The following WHRN variants were observed in gnomAD, a reference collection of about 807,000 sequenced individuals.
The protein encoded by WHRN is whirlin, also known as CASK-interacting protein CIP98.
In WHRN, 41 loss-of-function variants were observed where a neutral mutation model predicts 68.3. The observed-to-expected ratio is 0.60, with a 90% CI of 0.47 to 0.78. WHRN has a LOEUF of 0.78. WHRN is among the 30% of genes least tolerant of loss of function. The pLI, the probability that WHRN is intolerant of heterozygous loss-of-function variation, is 0.00. For missense variants in WHRN, 1,243 were observed against 1,244.7 expected (o/e 1.00, Z 0.02); for synonymous variants, 560 against 561.3 (o/e 1.00, Z 0.03).
chr9:114,457,643 C>A (rs747525234), intron 3 of WHRN, among the ~76,000 whole-genome samples: 3 of 152,034 alleles, frequency 2.0e-5, no homozygotes, highest in Non-Finnish European at 4.4e-5. Flanking sequence ...TGGCCAGGCG[C>A]GGGGGCTCAC....
At chr9:114,424,254 C>T (rs1307967458) in intron 6 of WHRN, 80 bp downstream of exon 6, 1 of 1,537,900 alleles carries the variant, frequency 6.5e-7, no homozygotes, top group Non-Finnish European at 9.0e-7. Context: ...CTTGTAGGTT[C>T]TCAGCAAAGG....
chr9:114,441,108 T>C (rs1448829293), intron 3 of WHRN, among the ~76,000 whole-genome samples: 3 of 152,016 alleles, frequency 2.0e-5, no homozygotes, highest in African/African-American at 7.2e-5. Flanking sequence ...TAAGGCACTA[T>C]AAATGTATTT....
intron 3 of WHRN, among the ~76,000 whole-genome samples, chr9:114,460,433 T>G (rs540756936): frequency 3.9e-5 from 6 of 152,388 alleles, no homozygotes; most frequent in African/African-American, 1.4e-4. Flanking sequence ...AACTGGTTAA[T>G]AAATGGCAAC....
chr9:114,485,740 C>T (rs1197547877), intron 1 of WHRN, among the ~76,000 whole-genome samples: 2 of 152,074 alleles, frequency 1.3e-5, no homozygotes, highest in South Asian at 4.1e-4. Context: ...CACAGCAGCT[C>T]AGGCCTGCAA....
chr9:114,414,474 G>A (rs1414704917), intron 7 of WHRN, among the ~76,000 whole-genome samples: 1 of 152,220 alleles, frequency 6.6e-6, no homozygotes, highest in Non-Finnish European at 1.5e-5. Flanking sequence ...GCACAGAAAT[G>A]AGGAAGACCC....
At chr9:114,488,613 C>T (rs1238752198) in intron 1 of WHRN, among the ~76,000 whole-genome samples, 2 of 152,148 alleles carry the variant, frequency 1.3e-5, no homozygotes, top group East Asian at 3.9e-4. Context: ...CCCTTAGGGT[C>T]TTGAACCCCG....
At chr9:114,448,020 G>T (rs1266005373) in intron 3 of WHRN, among the ~76,000 whole-genome samples, 1 of 152,092 alleles carries the variant, frequency 6.6e-6, no homozygotes, top group Non-Finnish European at 1.5e-5. Flanking sequence ...TGCCCCCTAG[G>T]GCCCTGTCAT....
intron 2 of WHRN, among the ~76,000 whole-genome samples, chr9:114,469,434 C>G (rs972077633): frequency 5.9e-5 from 9 of 152,206 alleles, no homozygotes; most frequent in African/African-American, 1.7e-4. Flanking sequence ...CACTGCTCCC[C>G]CTCCAGGACC....
Position 114,478,562 on chromosome 9 carries a change from A to G in WHRN, c.828T>C (p.Asp276=). ...RSTLHLLQGG[D]EKKVNLVLGD... is the part of the protein sequence containing the mutation. ...TCCCCACCCCACTCACCTTTTTCTC[A>G]TCCCCTCCTTGCAGGAGGTGCAGGG... Residue 276 remains aspartate (D), a synonymous_variant, in exon 2 of 12, where the codon GAT becomes GAC. Transcript: ENST00000362057. 6.2e-7 allele frequency: 1 copy of G among 1,613,878 alleles called. No homozygotes were observed. The highest frequency in any genetic ancestry group is 8.5e-7 in the Non-Finnish European group (1 of 1,179,792).
intron 3 of WHRN, 103 bp from the exon 4 acceptor site, chr9:114,426,516 A>G: frequency 7.3e-7 from 1 of 1,361,694 alleles, no homozygotes; most frequent in Non-Finnish European, 1.0e-6. Context: ...CAGCCTGTCA[A>G]GGAGGTCATC....
intron 2 of WHRN, 59 bp downstream of exon 2, chr9:114,478,494 G>C (rs1215565200): frequency 6.3e-7 from 1 of 1,587,454 alleles, no homozygotes; most frequent in Admixed American, 1.7e-5. Flanking sequence ...CTGCTGTTCT[G>C]GGTTCGGAGG....
Position 114,402,635 on chromosome 9 carries a change from G to A in WHRN, c.*119C>T. 7.8e-7 allele frequency: 1 copy of A among 1,285,140 alleles called. No individual in the cohort carries two copies. Among genetic ancestry groups the A allele is most frequent in the Non-Finnish European group, 1.1e-6 (1 of 894,040 alleles). 79.6% of individuals were successfully genotyped at this position (1,285,140 alleles called of 1,614,324 possible). The stretch of plus-strand genomic sequence containing the variant: ...CAGTGGGCTGGGATGGAGGGGGGAT[G>A]TCTTCCTGCCACCCTGGCCATGCAG... On this transcript the variant is annotated 3_prime_UTR_variant, in exon 12 of 12. Transcript: ENST00000362057.
At chr9:114,420,415 G>A (rs1035689836) in intron 7 of WHRN, among the ~76,000 whole-genome samples, 6 of 152,292 alleles carry the variant, frequency 3.9e-5, no homozygotes, top group African/African-American at 9.6e-5. Context: ...GCTGGGATCC[G>A]TATTCCCAGA....
intron 3 of WHRN, among the ~76,000 whole-genome samples, chr9:114,442,859 T>G (rs1001664171): frequency 6.6e-6 from 1 of 152,182 alleles, no homozygotes; most frequent in African/African-American, 2.4e-5. Context: ...GGATATTCCT[T>G]TAGAGCAACG....
At chr9:114,475,803 T>G (rs1461313989) in intron 2 of WHRN, among the ~76,000 whole-genome samples, 2 of 152,118 alleles carry the variant, frequency 1.3e-5, no homozygotes, top group South Asian at 4.2e-4. Flanking sequence ...GAAATGGGGT[T>G]TCCACACTGT....
chr9:114,478,897 G>T (rs1440101355), intron 1 of WHRN, 126 bp from the exon 2 acceptor site: 2 of 879,942 alleles, frequency 2.3e-6, no homozygotes, highest in Non-Finnish European at 3.6e-6. Flanking sequence ...CAGCCCTGAA[G>T]TCCCTTTCCT....
In WHRN at chr9:114,424,995, A is replaced by T. The variant is rs1382940730; in HGVS notation, c.1196T>A (p.Ile399Lys). Residue 399 changes from isoleucine (I) to lysine (K), a missense_variant, in exon 5 of 12, where the codon ATA (isoleucine) becomes AAA (lysine). By Grantham distance (102) the Ile-to-Lys change is moderately radical. Coordinates refer to ENST00000362057, the MANE Select transcript of WHRN (RefSeq NM_015404.4). ...CCTTAGAGGATGTCCTACCTTGTTT[A>T]TTCCTTCTGTTGTGAGATCGCCAAG... ...GFLGDLTTEG[I>K]NKPGFYKGPA... The T allele has an allele frequency of 6.2e-7, 1 of 1,614,038 alleles. No homozygotes were observed.
chr9:114,487,168 G>A (rs1043298646), intron 1 of WHRN, among the ~76,000 whole-genome samples: 3 of 147,206 alleles, frequency 2.0e-5, no homozygotes, highest in African/African-American at 7.7e-5. Flanking sequence ...TGGAACCTAG[G>A]TAAGAGATAC....
intron 2 of WHRN, among the ~76,000 whole-genome samples, chr9:114,476,631 C>T (rs947497071): frequency 2.0e-5 from 3 of 152,146 alleles, no homozygotes; most frequent in Admixed American, 6.5e-5. Flanking sequence ...ACTCTTCCCA[C>T]CACCTCCAAA....
Sources: allele counts gnomAD v4.1 joint callset (sites outside exome capture counted in the v4.1 genomes callset), GRCh38; gene constraint gnomAD v4.1.1; transcripts MANE v1.5; gene names NCBI Gene and HGNC (gene_info 2026-07-23, HGNC 2026-07-21).